The following PTPRN2 variants were observed in gnomAD, a reference collection of about 807,000 sequenced individuals.
The protein encoded by PTPRN2 is receptor-type tyrosine-protein phosphatase N2.
Under a neutral mutation model 118.8 loss-of-function variants are expected in PTPRN2, and 74 were observed. The ratio of observed to expected loss-of-function variants is 0.62; its 90% confidence interval spans 0.52 to 0.76. The LOEUF (loss-of-function observed/expected upper bound fraction) is 0.76. PTPRN2 is among the 30% of genes least tolerant of loss of function. The probability of loss-of-function intolerance (pLI) is 0.00; values close to 1 mark genes in which losing one functional copy is unlikely to be tolerated. For missense variants in PTPRN2, 1,481 were observed against 1,394.4 expected (o/e 1.06, Z -0.99); for synonymous variants, 641 against 608.0 (o/e 1.05, Z -0.80).
intron 15 of PTPRN2, among the ~76,000 whole-genome samples, chr7:157,613,727 C>T (rs977720483): frequency 1.3e-5 from 2 of 152,210 alleles, no homozygotes; most frequent in Non-Finnish European, 2.9e-5. Context: ...CTCCCTAACC[C>T]GGCGGCCGTG....
chr7:158,378,155 TACAAACCTGA>T (rs201104461), intron 2 of PTPRN2, among the ~76,000 whole-genome samples: 2,568 of 152,308 alleles, frequency 0.017, 80 homozygotes, highest in African/African-American at 0.059. Flanking sequence ...CATATGATTA[TACAAACCTGA>T]ACAAACCTGA....
intron 12 of PTPRN2, among the ~76,000 whole-genome samples, chr7:157,688,535 G>A (rs1446600438): frequency 6.6e-6 from 1 of 152,156 alleles, no homozygotes; most frequent in Non-Finnish European, 1.5e-5. Context: ...TTAAGGCACC[G>A]GCTCCTGACC....
chr7:157,809,185 C>A (rs554970748), intron 12 of PTPRN2, among the ~76,000 whole-genome samples: 5 of 152,376 alleles, frequency 3.3e-5, no homozygotes, highest in African/African-American at 1.2e-4. Flanking sequence ...GAACGTGTTG[C>A]GACAAGCCAG....
Position 157,748,561 on chromosome 7 carries a change from G to A in PTPRN2, c.1789-65624C>T, listed in dbSNP as rs141189703. 1.5e-3 allele frequency among the ~76,000 whole-genome samples: 184 copies of A among 120,026 alleles called. 12 individuals are homozygous for A. The highest frequency in any genetic ancestry group is 4.3e-3 in the Middle Eastern group (1 of 232). 78.7% of individuals were successfully genotyped at this position (120,026 alleles called of 152,430 possible). ...GTGTCCGGGTGATTCTGAGGCCTGC[G>A]TCCCTGAGCTCTGGGGTGTCTGGGT... is the stretch of plus-strand genomic sequence containing the variant. On this transcript the variant is annotated intron_variant, in intron 12 of 22. Coordinates refer to ENST00000389418, the MANE Select transcript of PTPRN2 (RefSeq NM_002847.5).
chr7:158,572,054 G>C (rs1828072557), intron 1 of PTPRN2, among the ~76,000 whole-genome samples: 1 of 152,224 alleles, frequency 6.6e-6, no homozygotes, highest in Non-Finnish European at 1.5e-5. Flanking sequence ...GAAAGGCAGG[G>C]AAGGTTCTAG....
chr7:157,929,788 C>T lies in PTPRN2; in HGVS notation c.1724-31051G>A, dbSNP rs1363146115. Among the ~76,000 whole-genome samples, 1 of 151,940 alleles carries T rather than the reference C, an allele frequency of 6.6e-6. No individual in the cohort carries two copies. The highest frequency in any genetic ancestry group is 1.9e-4 in the East Asian group (1 of 5,190). ...GCCAGAAGGGAGTCTTTCCAAGTGC[C>T]CTGTAATGCAGAACCTTTCCCAGTG... On this transcript the variant is annotated intron_variant, in intron 11 of 22. Coordinates refer to ENST00000389418, the MANE Select transcript of PTPRN2 (RefSeq NM_002847.5). The surrounding 1 kb of genome is among the most constrained non-coding windows in gnomAD (Gnocchi z 4.4).
rs138418040 is a variant in PTPRN2 at position 158,110,839 on chromosome 7, C to T, written c.1633G>A (p.Ala545Thr). ...RLLQVPSSAF[A>T]DVEVLGPAVT... Reference sequence around the variant, plus strand: ...GGGCCCCGTACTTACTCCACGTCAGCGAACGCACTGCTGGGCACCTGCAGG... The same window carrying T: ...GGGCCCCGTACTTACTCCACGTCAGTGAACGCACTGCTGGGCACCTGCAGG... The change falls in exon 10 of 23, where the codon GCT (alanine) becomes ACT (threonine). Residue 545 changes from alanine to threonine, a missense_variant. Transcript: ENST00000389418. 6.9e-5 allele frequency: 110 copies of T among 1,586,940 alleles called. No individual in the cohort carries two copies. The African/African-American group carries it at 7.1e-4, about 10-fold the overall frequency.
At chr7:158,358,708 G>C (rs1047142253) in intron 2 of PTPRN2, among the ~76,000 whole-genome samples, 3 of 152,196 alleles carry the variant, frequency 2.0e-5, no homozygotes, top group Non-Finnish European at 2.9e-5. Context: ...GGCTGCAGCC[G>C]GGCACATGCT....
chr7:157,558,593 C>T (rs1006660112), intron 21 of PTPRN2, among the ~76,000 whole-genome samples: 1 of 152,286 alleles, frequency 6.6e-6, no homozygotes, highest in African/African-American at 2.4e-5. Flanking sequence ...GCCTGGAACA[C>T]GCACACACCA....
At chr7:157,657,397 C>A (rs1795586504) in intron 13 of PTPRN2, among the ~76,000 whole-genome samples, 1 of 142,368 alleles carries the variant, frequency 7.0e-6, no homozygotes, top group Non-Finnish European at 1.5e-5. Flanking sequence ...ACACACACAC[C>A]ACACACATCA....
chr7:158,256,558 G>A (rs186952916), intron 3 of PTPRN2, among the ~76,000 whole-genome samples: 2 of 152,250 alleles, frequency 1.3e-5, no homozygotes, highest in African/African-American at 4.8e-5. Flanking sequence ...AAAGGTGGTG[G>A]AGGAGACAGA....
At chr7:158,537,577 C>T (rs1825722757) in intron 1 of PTPRN2, 1 of 152,598 alleles carries the variant, frequency 6.6e-6, no homozygotes, top group Non-Finnish European at 1.5e-5. Flanking sequence ...CCCTTCCACT[C>T]AGCCAGAGAA....
Position 158,128,946 on chromosome 7 carries a change from A to AACAC in PTPRN2, c.1556+4727_1556+4730dup, listed in dbSNP as rs113152022. Among the ~76,000 whole-genome samples, 488 of 149,826 alleles carry AACAC rather than the reference A, an allele frequency of 3.3e-3. 3 individuals are homozygous for AACAC. The highest frequency in any genetic ancestry group is 0.011 in the African/African-American group (447 of 40,668). On this transcript the variant is annotated intron_variant, in intron 9 of 22. Transcript: ENST00000389418. ...CAGAGTGAGGAGACACAGGCAACCA[A>AACAC]ACACACACACACACACACAACATAC...
intron 1 of PTPRN2, among the ~76,000 whole-genome samples, chr7:158,584,410 G>A (rs1746913277): frequency 6.6e-6 from 1 of 152,156 alleles, no homozygotes; most frequent in Non-Finnish European, 1.5e-5. Context: ...GGGCCGGTCG[G>A]GAGGAAAACT....
At chr7:158,540,603 G>C (rs192339747) in intron 1 of PTPRN2, among the ~76,000 whole-genome samples, 2 of 152,288 alleles carry the variant, frequency 1.3e-5, no homozygotes, top group Admixed American at 1.3e-4. Flanking sequence ...CCTCCAAAGG[G>C]ACAGCAGAGC....
intron 2 of PTPRN2, among the ~76,000 whole-genome samples, chr7:158,381,002 A>G (rs1810930019): frequency 6.6e-6 from 1 of 152,238 alleles, no homozygotes; most frequent in Admixed American, 6.5e-5. Context: ...CAGGGCATCA[A>G]GTCCCTAGGC....
intron 3 of PTPRN2, among the ~76,000 whole-genome samples, chr7:158,288,941 A>G (rs1323685404): frequency 6.6e-6 from 1 of 152,102 alleles, no homozygotes; most frequent in Non-Finnish European, 1.5e-5. Flanking sequence ...AGCTTTGCCA[A>G]GTACAGTATT....
intron 12 of PTPRN2, among the ~76,000 whole-genome samples, chr7:157,775,392 G>A (rs796832419): frequency 6.2e-4 from 94 of 152,310 alleles, no homozygotes; most frequent in African/African-American, 2.2e-3. Flanking sequence ...TAGGCATAAC[G>A]GGGACAGTGA....
chr7:158,420,869 A>C (rs1430446992), intron 2 of PTPRN2, among the ~76,000 whole-genome samples: 1 of 152,126 alleles, frequency 6.6e-6, no homozygotes, highest in South Asian at 2.1e-4. Flanking sequence ...GTCCCTGTTG[A>C]TGAGACGTGG....
Sources: allele counts gnomAD v4.1 joint callset (sites outside exome capture counted in the v4.1 genomes callset), GRCh38; gene constraint gnomAD v4.1.1; non-coding constraint Gnocchi (gnomAD v3.1); transcripts MANE v1.5; gene names NCBI Gene and HGNC (gene_info 2026-07-23, HGNC 2026-07-21).